Variants in PCDHGB4 observed in about 807,000 individuals in gnomAD.
PCDHGB4 encodes the protein protocadherin gamma subfamily B, 4.
PCDHGB4 carries 38 observed loss-of-function variants against 60.5 expected under a neutral mutation model. The ratio of observed to expected loss-of-function variants is 0.63; its 90% CI spans 0.48 to 0.82. The LOEUF (loss-of-function observed/expected upper bound fraction) is 0.82, where lower values mean the gene tolerates loss of function less well. Among genes scored for constraint, PCDHGB4 ranks in the 40% least tolerant of loss-of-function variants. The probability of loss-of-function intolerance (pLI) is 0.00; values close to 1 mark genes in which losing one functional copy is unlikely to be tolerated. For synonymous variants in PCDHGB4, 456 were observed against 509.7 expected (o/e 0.89, Z 1.42); for missense variants, 1,109 against 1,209.6 (o/e 0.92, Z 1.23).
chr5:141,400,565 A>C (rs766459739), intron 1 of PCDHGB4: 1 of 1,612,948 alleles, frequency 6.2e-7, no homozygotes, highest in South Asian at 1.1e-5. Flanking sequence ...TTACCCACCC[A>C]ATTTTCTGTA....
At chr5:141,505,559 G>A (rs1215110084) in intron 3 of PCDHGB4, 78 bp downstream of exon 3, 27 of 1,604,592 alleles carry the variant, frequency 1.7e-5, no homozygotes, top group Non-Finnish European at 2.0e-5. Flanking sequence ...CCATGCCCAC[G>A]GACTGGATGT....
chr5:141,397,450 A>G (rs1434264337), intron 1 of PCDHGB4, among the ~76,000 whole-genome samples: 1 of 152,258 alleles, frequency 6.6e-6, no homozygotes, highest in Admixed American at 6.5e-5. Context: ...AATATAAAAC[A>G]CTAGAAATAT....
intron 1 of PCDHGB4, chr5:141,433,315 TCCGGTGTAACAGGGACTA>T: frequency 1.2e-6 from 1 of 856,086 alleles, no homozygotes; most frequent in Non-Finnish European, 1.8e-6. Flanking sequence ...CACCTTTGCC[TCCGGTGTAACAGGGACTA>T]CAGGTGCAAG....
intron 2 of PCDHGB4, among the ~76,000 whole-genome samples, chr5:141,504,968 C>A (rs1377016827): frequency 1.3e-5 from 2 of 152,206 alleles, no homozygotes; most frequent in East Asian, 3.9e-4. Context: ...ATTGGACCAG[C>A]CTGGCCAACA....
intron 1 of PCDHGB4, chr5:141,393,264 C>A (rs537186931): frequency 6.2e-7 from 1 of 1,613,916 alleles, no homozygotes. Flanking sequence ...TCCTGGAGCA[C>A]GTTATCCACT....
In PCDHGB4 at chr5:141,511,033, C is replaced by T. The variant is rs1185153127; in HGVS notation, c.2632C>T (p.His878Tyr). 6.2e-7 allele frequency: 1 copy of T among 1,614,202 alleles called. No individual in the cohort carries two copies. The highest frequency in any genetic ancestry group is 1.7e-5 in the Admixed American group (1 of 60,032). ...CTACGGACCCCAGTTCACCCTGCAG[C>T]ACGTGCCCGACTACCGCCAGAATGT... ...ARYGPQFTLQ[H>Y]VPDYRQNVYI... Residue 878 changes from histidine to tyrosine, a missense_variant, in exon 4 of 4, where the codon CAC becomes TAC. His to Tyr is a moderately conservative substitution (Grantham distance 83). Coordinates refer to ENST00000519479, the MANE Select transcript of PCDHGB4 (RefSeq NM_003736.4).
intron 1 of PCDHGB4, among the ~76,000 whole-genome samples, chr5:141,483,459 G>A (rs1214951485): frequency 6.6e-6 from 1 of 152,186 alleles, no homozygotes; most frequent in Non-Finnish European, 1.5e-5. Flanking sequence ...AGGACTTGTT[G>A]ATTGACATGA....
intron 1 of PCDHGB4, chr5:141,410,184 A>G: frequency 6.2e-7 from 1 of 1,613,918 alleles, no homozygotes; most frequent in Non-Finnish European, 8.5e-7. Flanking sequence ...GCCACGCTTC[A>G]TCTGGTCTTC....
chr5:141,422,150 T>C (rs773805631), intron 1 of PCDHGB4: 23 of 1,577,056 alleles, frequency 1.5e-5, no homozygotes, highest in Non-Finnish European at 1.8e-5. Context: ...CGGGGGTCTC[T>C]GGATTTTGAA....
Position 141,485,831 on chromosome 5 carries a change from C to T in PCDHGB4, c.2398-8976C>T. 1 of 1,614,080 alleles carries T rather than the reference C, an allele frequency of 6.2e-7. No individual in the cohort carries two copies. The highest frequency in any genetic ancestry group is 8.5e-7 in the Non-Finnish European group (1 of 1,180,026). ...GCTGACTGCTGTCGATGGAGGGAAC[C>T]CGCCGAGATCTGGCACCGCAGAGCT... On this transcript the variant is annotated intron_variant, in intron 1 of 3. Coordinates refer to ENST00000519479, the MANE Select transcript of PCDHGB4 (RefSeq NM_003736.4). This position sits in a 1 kb window ranked among gnomAD's most constrained non-coding sequence, Gnocchi z 5.7.
rs776677714 is a variant in PCDHGB4 at position 141,419,329 on chromosome 5, T to C, written c.2397+29048T>C. The C allele has an allele frequency of 7.4e-6, 12 of 1,613,842 alleles. 2 individuals carry two copies. The South Asian group carries it at 1.3e-4, about 18-fold the overall frequency. On this transcript the variant is annotated intron_variant, in intron 1 of 3. Coordinates refer to ENST00000519479, the MANE Select transcript of PCDHGB4 (RefSeq NM_003736.4). The stretch of plus-strand genomic sequence containing the variant: ...GGCTCAACGGCCGTGTCTCCTACTC[T>C]CTCATTGCCAGCGACCTGGAGTCAC...
intron 1 of PCDHGB4, chr5:141,394,616 C>G: frequency 6.2e-7 from 1 of 1,613,490 alleles, no homozygotes; most frequent in Non-Finnish European, 8.5e-7. Flanking sequence ...CGGGCCAGAA[C>G]GCCTGGCTGT....
intron 1 of PCDHGB4, chr5:141,400,024 G>C (rs2093943300): frequency 6.2e-7 from 1 of 1,612,894 alleles, no homozygotes; most frequent in Non-Finnish European, 8.5e-7. Flanking sequence ...CGACAGGGAC[G>C]CGGCCCGCCA....
chr5:141,416,828 C>T (rs1014962852), intron 1 of PCDHGB4: 2 of 152,042 alleles, frequency 1.3e-5, no homozygotes, highest in African/African-American at 4.8e-5. Context: ...CGAAGTTTCT[C>T]AAGACCCTTA....
In PCDHGB4 at chr5:141,491,996, G is replaced by T; in HGVS notation, c.2398-2811G>T. ...TCCTTCGAGCTTCCGGTGAATTTCG[G>T]GCGATTTCCGCGGGTGTCGGGGGTC... is the stretch of plus-strand genomic sequence containing the variant. On this transcript the variant is annotated intron_variant, in intron 1 of 3. Coordinates refer to ENST00000519479, the MANE Select transcript of PCDHGB4 (RefSeq NM_003736.4). This position sits in a 1 kb window ranked among gnomAD's most constrained non-coding sequence, Gnocchi z 6.9. The T allele has an allele frequency of 2.9e-6, 2 of 686,328 alleles. No individual in the cohort carries two copies. Among genetic ancestry groups the T allele is most frequent in the Non-Finnish European group, 4.5e-6 (2 of 441,080 alleles). 42.5% of individuals were successfully genotyped at this position (686,328 alleles called of 1,614,324 possible). A position where few individuals can be genotyped will look rare whatever the true frequency, so the allele number is the denominator to read the frequency against.
At chr5:141,419,004 T>C in intron 1 of PCDHGB4, 1 of 1,613,886 alleles carries the variant, frequency 6.2e-7, no homozygotes, top group Non-Finnish European at 8.5e-7. Context: ...AATGGGGAAG[T>C]CAGGTGTAGC....
In PCDHGB4 at chr5:141,414,051, A is replaced by G. The variant is rs747091153; in HGVS notation, c.2397+23770A>G. ...CATTCCGAAAATTACCTGACACGCA[A>G]TTGTTGAAGTTCCAACTAAACAAAT... On this transcript the variant is annotated intron_variant, in intron 1 of 3. Coordinates refer to ENST00000519479, the MANE Select transcript of PCDHGB4 (RefSeq NM_003736.4). 5.0e-6 allele frequency: 8 copies of G among 1,610,748 alleles called. No individual in the cohort carries two copies. The Admixed American group carries it at 8.4e-5, about 17-fold the overall frequency.
At chr5:141,408,784 A>G (rs777838376) in intron 1 of PCDHGB4, 2 of 1,612,506 alleles carry the variant, frequency 1.2e-6, no homozygotes, top group Admixed American at 1.7e-5. Context: ...ACCCAGAGTT[A>G]TCTCTGGAGA....
At position 141,476,791 on chromosome 5, in the gene PCDHGB4, C is replaced by A. The variant is rs766227340; in HGVS notation, c.2398-18016C>A. 1 of 1,613,512 alleles carries A rather than the reference C, an allele frequency of 6.2e-7. No individual in the cohort carries two copies. Among genetic ancestry groups the A allele is most frequent in the Non-Finnish European group, 8.5e-7 (1 of 1,180,014 alleles). On this transcript the variant is annotated intron_variant, in intron 1 of 3. Transcript: ENST00000519479. This position sits in a 1 kb window ranked among gnomAD's most constrained non-coding sequence, Gnocchi z 7.6. ...TGGACGGAGGGACCCCAGCTCTCTC[C>A]GCCAGCCTGCCTATTCACATCAAGG...
Sources: gnomAD v4.1 joint callset for allele counts (sites outside exome capture counted in the v4.1 genomes callset) on GRCh38, gnomAD v4.1.1 for gene constraint, Gnocchi (gnomAD v3.1) non-coding constraint, MANE v1.5 for transcripts, NCBI Gene and HGNC (gene_info 2026-07-23, HGNC 2026-07-21) for gene names.